The following TSNARE1 variants were observed in gnomAD, a reference collection of about 807,000 sequenced individuals.
The protein encoded by TSNARE1 is t-SNARE domain-containing protein 1.
TSNARE1 carries 49 observed loss-of-function variants against 62.0 expected under a neutral mutation model. The observed-to-expected ratio is 0.79, with a 90% CI of 0.63 to 1.00. The LOEUF is 1.00. Ranked by LOEUF, TSNARE1 falls within the 50% of genes least tolerant of loss-of-function variation. TSNARE1 has a pLI of 0.00. For missense variants in TSNARE1, 755 were observed against 700.1 expected (o/e 1.08, Z -0.88); for synonymous variants, 328 against 294.4 (o/e 1.11, Z -1.17).
intron 2 of TSNARE1, 69 bp downstream of exon 2, chr8:142,354,568 C>T: frequency 6.3e-6 from 7 of 1,107,168 alleles, no homozygotes; most frequent in Non-Finnish European, 9.3e-6. Flanking sequence ...CAGCATGACA[C>T]AGTGAGGATC....
At chr8:142,215,288 TG>T (rs1815778429) in intron 13 of TSNARE1, among the ~76,000 whole-genome samples, 1 of 152,090 alleles carries the variant, frequency 6.6e-6, no homozygotes, top group Non-Finnish European at 1.5e-5. Context: ...TGCCTGGGGA[TG>T]AGGGTGGGGG....
At chr8:142,300,714 T>C in intron 9 of TSNARE1, 70 bp from the exon 10 acceptor site, 7 of 1,534,210 alleles carry the variant, frequency 4.6e-6, no homozygotes, top group South Asian at 1.2e-5. Flanking sequence ...GCCCAGAAAT[T>C]CAACAAAATG....
intron 13 of TSNARE1, among the ~76,000 whole-genome samples, chr8:142,226,155 C>G (rs1816758480): frequency 6.6e-6 from 1 of 152,160 alleles, no homozygotes. Flanking sequence ...GGGTGGAGAC[C>G]CTGATTTAGA....
chr8:142,289,385 T>C (rs1233499916), intron 10 of TSNARE1, among the ~76,000 whole-genome samples: 1 of 152,120 alleles, frequency 6.6e-6, no homozygotes, highest in African/African-American at 2.4e-5. Flanking sequence ...TGAACTCAGA[T>C]AGCAAGCCTG....
At chr8:142,300,841 CGGT>C (rs1328936287) in intron 9 of TSNARE1, among the ~76,000 whole-genome samples, 197 bp from the exon 10 acceptor site, 8 of 152,182 alleles carry the variant, frequency 5.3e-5, no homozygotes, top group African/African-American at 1.7e-4. Flanking sequence ...TCCCAGGCGC[CGGT>C]CACCTGGGAA....
chr8:142,313,274 ATGTC>A (rs1185063837), intron 9 of TSNARE1, among the ~76,000 whole-genome samples: 1 of 147,550 alleles, frequency 6.8e-6, no homozygotes, highest in Non-Finnish European at 1.5e-5. Context: ...ATTGGTCTGC[ATGTC>A]TGTTTATCTG....
At chr8:142,345,545 C>G (rs1833235879) in intron 3 of TSNARE1, among the ~76,000 whole-genome samples, 198 bp downstream of exon 3, 1 of 152,212 alleles carries the variant, frequency 6.6e-6, no homozygotes, top group Non-Finnish European at 1.5e-5. Flanking sequence ...AGCTTCCATC[C>G]TGTGGCCTGT....
At chr8:142,220,226 A>G (rs1163341853) in intron 13 of TSNARE1, among the ~76,000 whole-genome samples, 2 of 152,150 alleles carry the variant, frequency 1.3e-5, no homozygotes, top group Non-Finnish European at 2.9e-5. Flanking sequence ...GTGGCCCTGC[A>G]AGGTAGCACG....
At chr8:142,353,146 C>G (rs894488366) in intron 2 of TSNARE1, among the ~76,000 whole-genome samples, 1 of 152,078 alleles carries the variant, frequency 6.6e-6, no homozygotes, top group Admixed American at 6.5e-5. Flanking sequence ...CTAAGCACCC[C>G]CTCCCCGAGG....
rs1241908546 is a variant in TSNARE1 at position 142,265,251 on chromosome 8, A to AC, written c.1446+9529dup. 6.6e-5 allele frequency among the ~76,000 whole-genome samples: 10 copies of AC among 151,910 alleles called. 1 individual carries two copies. In the East Asian group the frequency reaches 1.9e-3, roughly 29 times the overall value. On this transcript the variant is annotated intron_variant, in intron 12 of 13. Coordinates refer to ENST00000524325, the MANE Select transcript of TSNARE1 (RefSeq NM_145003.5). ...CTGCAGCCTTTTACAACTGCACCCT[A>AC]CCCCACTCCACTTCCCTAACCCTTG...
intron 1 of TSNARE1, among the ~76,000 whole-genome samples, chr8:142,386,305 C>T (rs1159319304): frequency 1.3e-5 from 2 of 152,038 alleles, no homozygotes; most frequent in Non-Finnish European, 2.9e-5. Context: ...AATAAATGGT[C>T]CCTCTCAACA....
At chr8:142,349,512 T>C (rs1833815909) in intron 2 of TSNARE1, among the ~76,000 whole-genome samples, 1 of 152,146 alleles carries the variant, frequency 6.6e-6, no homozygotes. Context: ...GATGAAACTA[T>C]GAGCAGAAAT....
intron 9 of TSNARE1, among the ~76,000 whole-genome samples, chr8:142,307,191 G>T (rs1826837210): frequency 6.6e-6 from 1 of 152,154 alleles, no homozygotes; most frequent in South Asian, 2.1e-4. Flanking sequence ...CATGAATTCA[G>T]CTTGGACTCA....
At chr8:142,395,036 G>A (rs773124590) in intron 1 of TSNARE1, among the ~76,000 whole-genome samples, 30 of 152,210 alleles carry the variant, frequency 2.0e-4, no homozygotes, top group Non-Finnish European at 3.2e-4. Flanking sequence ...CCCGCCTGCA[G>A]GAAGCATCGC....
intron 12 of TSNARE1, among the ~76,000 whole-genome samples, chr8:142,268,233 G>A (rs552920205): frequency 1.3e-5 from 2 of 152,198 alleles, no homozygotes; most frequent in Admixed American, 6.5e-5. Flanking sequence ...CTGGCCTCTC[G>A]GCATCTGAGC....
chr8:142,281,220 G>GC (rs35063888), intron 11 of TSNARE1, among the ~76,000 whole-genome samples: 36,312 of 151,960 alleles, frequency 0.24, 4,843 homozygotes, highest in African/African-American at 0.35. Context: ...TTAACCAAAG[G>GC]CCCGTGGGCA....
chr8:142,314,375 G>A lies in TSNARE1; in HGVS notation c.1131+9C>T, dbSNP rs371489816. 1.3e-5 allele frequency: 21 copies of A among 1,612,828 alleles called. No individual in the cohort carries two copies. The African/African-American group carries it at 1.6e-4, about 12-fold the overall frequency. On this transcript the variant is annotated intron_variant, in intron 9 of 13. Coordinates refer to ENST00000524325, the MANE Select transcript of TSNARE1 (RefSeq NM_145003.5). ...CAGCCACTGACCATGGTCAGTACTC[G>A]GCACCCACCTGTTTACTGCCCCTCT...
At chr8:142,298,759 C>T (rs969358333) in intron 10 of TSNARE1, among the ~76,000 whole-genome samples, 1 of 152,170 alleles carries the variant, frequency 6.6e-6, no homozygotes, top group Non-Finnish European at 1.5e-5. Context: ...CTGAGCCGCC[C>T]GAGGGGCTGT....
chr8:142,301,863 G>A (rs1825837530), intron 9 of TSNARE1, among the ~76,000 whole-genome samples: 1 of 152,190 alleles, frequency 6.6e-6, no homozygotes, highest in Non-Finnish European at 1.5e-5. Context: ...AGCGAGGTGG[G>A]GCTGGCACCA....
Sources: gnomAD v4.1 joint callset for allele counts (sites outside exome capture counted in the v4.1 genomes callset) on GRCh38, gnomAD v4.1.1 for gene constraint, MANE v1.5 for transcripts, NCBI Gene and HGNC (gene_info 2026-07-23, HGNC 2026-07-21) for gene names.